The following RIC8B variants were observed in gnomAD, a reference collection of about 807,000 sequenced individuals.
RIC8B encodes chaperone Ric-8B.
A neutral mutation model predicts 57.5 loss-of-function variants in RIC8B; 16 were observed. That is an observed-to-expected ratio of 0.28 (90% CI 0.19 to 0.42). The LOEUF (loss-of-function observed/expected upper bound fraction) is 0.42, where lower values mean the gene tolerates loss of function less well. RIC8B is among the 10% of genes least tolerant of loss of function. RIC8B has a pLI of 1.00. For synonymous variants in RIC8B, 216 were observed against 250.8 expected (o/e 0.86, Z 1.31); for missense variants, 481 against 677.0 (o/e 0.71, Z 3.21).
chr12:106,843,960 T>C lies in RIC8B; in HGVS notation c.1161+13T>C. ...TCTCAAAGATCAGGTAACTGCTTAA[T>C]GCATATTACATTGCAAAGTTAGTCT... On this transcript the variant is annotated intron_variant, in intron 6 of 9. Transcript: ENST00000392837. 6.4e-7 allele frequency: 1 copy of C among 1,551,552 alleles called. No individual in the cohort carries two copies. Among genetic ancestry groups the C allele is most frequent in the Non-Finnish European group, 8.9e-7 (1 of 1,123,964 alleles).
rs556231769 is a variant in RIC8B at position 106,866,360 on chromosome 12, G to A, written c.1452-4463G>A. Among the ~76,000 whole-genome samples, 36 of 152,214 alleles carry A rather than the reference G, an allele frequency of 2.4e-4. 1 individual carries two copies. The East Asian group carries it at 6.2e-3, about 26-fold the overall frequency. On this transcript the variant is annotated intron_variant, in intron 8 of 9. Transcript: ENST00000392837. ...TCGTCAAGCTTCTACATCTAGTTGAGGAATGGGAGCCAGGGAATAGAATTC... is the reference window on the plus strand; with the variant it reads ...TCGTCAAGCTTCTACATCTAGTTGAAGAATGGGAGCCAGGGAATAGAATTC...
rs138585976 is a variant in RIC8B, at chr12:106,823,938, G to A, written c.742-1788G>A. On this transcript the variant is annotated intron_variant, in intron 3 of 9. Transcript: ENST00000392837. ...TGACCTCAGGTGATCCACCCGCCTCGGCCTCCCGAAGTGCTGGGATTACAG... is the reference window on the plus strand; with the variant it reads ...TGACCTCAGGTGATCCACCCGCCTCAGCCTCCCGAAGTGCTGGGATTACAG... 7.0e-3 allele frequency among the ~76,000 whole-genome samples: 1,069 copies of A among 152,182 alleles called. 16 individuals carry two copies. The highest frequency in any genetic ancestry group is 0.024 in the African/African-American group (1,005 of 41,518).
At chr12:106,841,210 A>G (rs966553716) in intron 4 of RIC8B, among the ~76,000 whole-genome samples, 3 of 152,198 alleles carry the variant, frequency 2.0e-5, no homozygotes, top group Non-Finnish European at 2.9e-5. Flanking sequence ...AGTGAGGGCA[A>G]TCAAATAACT....
chr12:106,783,589 G>C (rs2043863358), intron 1 of RIC8B, among the ~76,000 whole-genome samples: 1 of 152,146 alleles, frequency 6.6e-6, no homozygotes, highest in Admixed American at 6.5e-5. Context: ...TATGTCCTGT[G>C]TTCCAGTCTC....
chr12:106,876,723 C>T (rs1040641050), intron 9 of RIC8B, among the ~76,000 whole-genome samples: 1 of 152,106 alleles, frequency 6.6e-6, no homozygotes, highest in Non-Finnish European at 1.5e-5. Context: ...GGTTAAAGTA[C>T]TCTCTGAAAT....
chr12:106,880,017 C>T (rs1031957952), intron 9 of RIC8B: 9 of 908,722 alleles, frequency 9.9e-6, no homozygotes, highest in Admixed American at 1.2e-4. Context: ...ACAGTATCTC[C>T]GTTTTACCAT....
At chr12:106,813,500 T>C (rs1275115064) in intron 2 of RIC8B, among the ~76,000 whole-genome samples, 1 of 152,068 alleles carries the variant, frequency 6.6e-6, no homozygotes, top group Non-Finnish European at 1.5e-5. Flanking sequence ...TTCTATACCA[T>C]TTTATATAAG....
intron 9 of RIC8B, among the ~76,000 whole-genome samples, chr12:106,881,078 C>T (rs545009456): frequency 6.6e-6 from 1 of 152,270 alleles, no homozygotes; most frequent in South Asian, 2.1e-4. Context: ...CTGCTATCTG[C>T]AAGGCACTGT....
chr12:106,832,043 GGAATCCTTT>G (rs2046374912), intron 4 of RIC8B, among the ~76,000 whole-genome samples: 1 of 152,060 alleles, frequency 6.6e-6, no homozygotes, highest in Admixed American at 6.5e-5. Flanking sequence ...TCTACTGCGT[GGAATCCTTT>G]TCCCAGATCT....
intron 4 of RIC8B, among the ~76,000 whole-genome samples, chr12:106,834,534 A>G (rs1428451515): frequency 1.3e-5 from 2 of 152,084 alleles, no homozygotes; most frequent in African/African-American, 4.8e-5. Context: ...CTCAATTTTA[A>G]TACTTCTTTC....
At chr12:106,874,199 T>C (rs926963874) in intron 9 of RIC8B, among the ~76,000 whole-genome samples, 4 of 152,220 alleles carry the variant, frequency 2.6e-5, no homozygotes, top group African/African-American at 9.6e-5. Flanking sequence ...TGTACTACGG[T>C]GTCTGTCTGT....
chr12:106,870,777 A>G (rs778978569), intron 8 of RIC8B, 46 bp from the exon 9 acceptor site: 2 of 1,400,994 alleles, frequency 1.4e-6, no homozygotes, highest in South Asian at 3.3e-5. Context: ...GTATAGAAAG[A>G]GCATAATTTT....
chr12:106,825,860 A>T (rs770236895), intron 4 of RIC8B, 40 bp downstream of exon 4: 1 of 1,361,034 alleles, frequency 7.3e-7, no homozygotes, highest in Non-Finnish European at 1.1e-6. Flanking sequence ...GAAGGACATC[A>T]TCAGTTGTTC....
chr12:106,775,014 C>T, intron 1 of RIC8B, 185 bp downstream of exon 1: 1 of 585,336 alleles, frequency 1.7e-6, no homozygotes, highest in Middle Eastern at 4.3e-4. Context: ...CTGCATCCCA[C>T]TACCCCCACT....
At chr12:106,780,614 G>A (rs1357929849) in intron 1 of RIC8B, among the ~76,000 whole-genome samples, 1 of 152,180 alleles carries the variant, frequency 6.6e-6, no homozygotes. Flanking sequence ...TTAGTGGGCT[G>A]TTCCTTTGTT....
chr12:106,886,732 C>T lies in RIC8B; in HGVS notation c.*717C>T, dbSNP rs1951198429. 2 of 152,596 alleles carry T rather than the reference C, an allele frequency of 1.3e-5. No individual in the cohort carries two copies. Among genetic ancestry groups the T allele is most frequent in the African/African-American group, 4.8e-5 (2 of 41,432 alleles). The allele number at this position is 152,596 out of a possible 1,614,324, so 9.5% of individuals were successfully genotyped here. On this transcript the variant is annotated 3_prime_UTR_variant, in exon 10 of 10. Coordinates refer to ENST00000392837, the MANE Select transcript of RIC8B (RefSeq NM_001330145.2). The stretch of plus-strand genomic sequence containing the variant: ...TGAACACTAGTACCATAGAACTGAA[C>T]CACCATCTGTATCAGCGCATGGGGA...
intron 7 of RIC8B, among the ~76,000 whole-genome samples, chr12:106,854,900 A>G (rs1036872041): frequency 5.9e-5 from 9 of 152,214 alleles, no homozygotes; most frequent in African/African-American, 1.9e-4. Context: ...GCCCAACGGT[A>G]TCTCCAGCAC....
chr12:106,785,388 C>A (rs2043958647), intron 2 of RIC8B, among the ~76,000 whole-genome samples: 1 of 152,104 alleles, frequency 6.6e-6, no homozygotes, highest in South Asian at 2.1e-4. Flanking sequence ...TCTGACATTC[C>A]AGTTAAGGTG....
chr12:106,846,377 C>T (rs564989304), intron 6 of RIC8B, among the ~76,000 whole-genome samples: 15 of 152,170 alleles, frequency 9.9e-5, no homozygotes, highest in Admixed American at 9.8e-4. Context: ...CATTTTTTCC[C>T]TCTGTATTTA....
Sources: gnomAD v4.1 joint callset for allele counts (sites outside exome capture counted in the v4.1 genomes callset) on GRCh38, gnomAD v4.1.1 for gene constraint, MANE v1.5 for transcripts, NCBI Gene and HGNC (gene_info 2026-07-23, HGNC 2026-07-21) for gene names.